Variants in TRIM62 observed in about 807,000 individuals in gnomAD.
The protein encoded by TRIM62 is E3 ubiquitin-protein ligase TRIM62.
In TRIM62, 39 loss-of-function variants were observed where a neutral mutation model predicts 44.2. The observed-to-expected ratio is 0.88, with a 90% confidence interval of 0.68 to 1.15. The LOEUF (loss-of-function observed/expected upper bound fraction) is 1.15, where lower values mean the gene tolerates loss of function less well. Among genes scored for constraint, TRIM62 ranks in the 50% most tolerant of loss-of-function variants. TRIM62 has a pLI of 0.00. For synonymous variants in TRIM62, 278 were observed against 292.3 expected, an observed-to-expected ratio of 0.95 and a Z score of 0.50; for missense variants, 544 against 665.5, an observed-to-expected ratio of 0.82 and a Z score of 2.01.
Position 33,147,119 on chromosome 1 carries a change from G to A in TRIM62, c.*58C>T. The A allele has an allele frequency of 1.3e-6, 2 of 1,574,366 alleles. No homozygotes were observed. Among genetic ancestry groups the A allele is most frequent in the Non-Finnish European group, 1.7e-6 (2 of 1,157,134 alleles). Reference sequence around the variant, plus strand: ...TGGAGTCCAGGTCTTCTATCTCCTGGGCAGGGCTCTTGCAGGTGGCAGTGG... The same window carrying A: ...TGGAGTCCAGGTCTTCTATCTCCTGAGCAGGGCTCTTGCAGGTGGCAGTGG... On this transcript the variant is annotated 3_prime_UTR_variant, in exon 5 of 5. Transcript: ENST00000291416. This position sits in a 1 kb window ranked among gnomAD's most constrained non-coding sequence, Gnocchi z 8.1.
At chr1:33,153,117 A>G (rs1645125839) in intron 4 of TRIM62, among the ~76,000 whole-genome samples, 1 of 152,166 alleles carries the variant, frequency 6.6e-6, no homozygotes, top group Admixed American at 6.5e-5. Context: ...AGGTGACCCA[A>G]TAGGAAGCCT....
chr1:33,146,029 T>A lies in TRIM62; in HGVS notation c.*1148A>T. On this transcript the variant is annotated 3_prime_UTR_variant, in exon 5 of 5. Coordinates refer to ENST00000291416, the MANE Select transcript of TRIM62 (RefSeq NM_018207.3). ...GGCACGGACCGTGGCAGAGGGAGCC[T>A]AGTTCTGCAGTCAGCAGCTTTCTGG... The A allele has an allele frequency of 2.5e-6, 1 of 406,304 alleles. No individual in the cohort carries two copies. The highest frequency in any genetic ancestry group is 5.1e-6 in the Non-Finnish European group (1 of 197,032). 25.2% of individuals were successfully genotyped at this position (406,304 alleles called of 1,614,324 possible).
chr1:33,165,246 C>G lies in TRIM62; in HGVS notation c.504+225G>C, dbSNP rs1645316174. 2 of 482,472 alleles carry G rather than the reference C, an allele frequency of 4.1e-6. No individual in the cohort carries two copies. Among genetic ancestry groups the G allele is most frequent in the Admixed American group, 7.6e-5 (2 of 26,248 alleles). The allele number at this position is 482,472 out of a possible 1,614,324, so 29.9% of individuals were successfully genotyped here. Reference sequence around the variant, plus strand: ...CCCCGTCCTTAACCGAGGGACCAGCCCACATCCTTGCCGCCAGTCATGATG... The same window carrying G: ...CCCCGTCCTTAACCGAGGGACCAGCGCACATCCTTGCCGCCAGTCATGATG... On this transcript the variant is annotated intron_variant, in intron 2 of 4. Coordinates refer to ENST00000291416, the MANE Select transcript of TRIM62 (RefSeq NM_018207.3). This position sits in a 1 kb window ranked among gnomAD's most constrained non-coding sequence, Gnocchi z 4.0.
At position 33,181,029 on chromosome 1, in the gene TRIM62, A is replaced by G. The variant is rs1645457807; in HGVS notation, c.404T>C (p.Leu135Pro). The G allele has an allele frequency of 7.4e-7, 1 of 1,353,122 alleles. No individual in the cohort carries two copies. The highest frequency in any genetic ancestry group is 9.7e-7 in the Non-Finnish European group (1 of 1,030,152). 83.8% of individuals were successfully genotyped at this position (1,353,122 alleles called of 1,614,324 possible). The stretch of plus-strand genomic sequence containing the variant: ...CAGGCAGGCCGGGTAGCGCACCTGC[A>G]GCTCGTCGAAGGCGTCGTCGATGCC... Reference protein sequence around the residue: ...VTGIDDAFDELQRELKDQLQA... With the variant: ...VTGIDDAFDEPQRELKDQLQA... The change falls in exon 1 of 5, where the codon CTG becomes CCG. Residue 135 changes from leucine to proline, a missense_variant. By Grantham distance (98) the Leu-to-Pro change is moderately conservative. Transcript: ENST00000291416. The surrounding 1 kb of genome is among the most constrained non-coding windows in gnomAD (Gnocchi z 6.5).
Position 33,181,033 on chromosome 1 carries a change from C to T in TRIM62, c.400G>A (p.Glu134Lys). 1.9e-6 allele frequency: 3 copies of T among 1,543,630 alleles called. No individual in the cohort carries two copies. The highest frequency in any genetic ancestry group is 2.6e-6 in the Non-Finnish European group (3 of 1,148,418). ...CAGGCCGGGTAGCGCACCTGCAGCT[C>T]GTCGAAGGCGTCGTCGATGCCGGTG... is the stretch of plus-strand genomic sequence containing the variant. ...QVTGIDDAFD[E>K]LQRELKDQLQ... Residue 134 changes from glutamate (E) to lysine (K), a missense_variant, in exon 1 of 5, where the codon GAG (glutamate) becomes AAG (lysine). Glu to Lys is a moderately conservative substitution (Grantham distance 56). Coordinates refer to ENST00000291416, the MANE Select transcript of TRIM62 (RefSeq NM_018207.3). This position sits in a 1 kb window ranked among gnomAD's most constrained non-coding sequence, Gnocchi z 6.5.
At chr1:33,172,914 TCA>T (rs1023521353) in intron 1 of TRIM62, among the ~76,000 whole-genome samples, 46 of 152,238 alleles carry the variant, frequency 3.0e-4, no homozygotes, top group Admixed American at 3.3e-4. Context: ...CCGCAAGCTT[TCA>T]CAGTGTTGTG....
At chr1:33,160,060 G>A in intron 2 of TRIM62, 116 bp from the exon 3 acceptor site, 8 of 1,328,728 alleles carry the variant, frequency 6.0e-6, no homozygotes, top group South Asian at 4.1e-5. Flanking sequence ...GAAAGGGCAC[G>A]CGTGGTGGGG....
Position 33,181,454 on chromosome 1 carries a change from G to T in TRIM62, c.-22C>A, listed in dbSNP as rs551572518. ...CCATGGCGCCAGGGGCAGCAGAGAG[G>T]GGGGCCCGAGGGGCAGGGGGGCGGC... On this transcript the variant is annotated 5_prime_UTR_variant, in exon 1 of 5. Coordinates refer to ENST00000291416, the MANE Select transcript of TRIM62 (RefSeq NM_018207.3). This position sits in a 1 kb window ranked among gnomAD's most constrained non-coding sequence, Gnocchi z 6.5. 2 of 1,568,488 alleles carry T rather than the reference G, an allele frequency of 1.3e-6. No homozygotes were observed. The highest frequency in any genetic ancestry group is 4.6e-5 in the East Asian group (2 of 43,128).
intron 1 of TRIM62, chr1:33,176,639 A>G: frequency 2.0e-6 from 1 of 488,018 alleles, no homozygotes; most frequent in South Asian, 3.2e-5. Flanking sequence ...CAGATGGCCT[A>G]GCCCTGTCAA....
chr1:33,181,436 G>T lies in TRIM62; in HGVS notation c.-4C>A. The T allele has an allele frequency of 6.3e-7, 1 of 1,589,548 alleles. No homozygotes were observed. Among genetic ancestry groups the T allele is most frequent in the Non-Finnish European group, 8.5e-7 (1 of 1,173,186 alleles). On this transcript the variant is annotated 5_prime_UTR_variant, in exon 1 of 5. Transcript: ENST00000291416. The surrounding 1 kb of genome is among the most constrained non-coding windows in gnomAD (Gnocchi z 6.5). ...CGTCCTTGAGGCTGCACGCCATGGC[G>T]CCAGGGGCAGCAGAGAGGGGGGCCC...
rs1645316491 is a variant in TRIM62 at position 33,165,267 on chromosome 1, T to C, written c.504+204A>G. On this transcript the variant is annotated intron_variant, in intron 2 of 4. Transcript: ENST00000291416. The surrounding 1 kb of genome is among the most constrained non-coding windows in gnomAD (Gnocchi z 4.0). ...CAGCCCACATCCTTGCCGCCAGTCA[T>C]GATGGGGTGGGTGCCGCCCCATTGA... The C allele has an allele frequency of 4.1e-6, 2 of 490,524 alleles. No homozygotes were observed. Among genetic ancestry groups the C allele is most frequent in the Non-Finnish European group, 7.3e-6 (2 of 273,080 alleles). 30.4% of individuals were successfully genotyped at this position (490,524 alleles called of 1,614,324 possible). A position where few individuals can be genotyped will look rare whatever the true frequency, so the allele number is the denominator to read the frequency against.
chr1:33,180,873 T>C, intron 1 of TRIM62, 152 bp downstream of exon 1: 1 of 148,188 alleles, frequency 6.7e-6, no homozygotes, highest in South Asian at 9.1e-5. Flanking sequence ...CTGCCCCGCG[T>C]TACTCCTGAT....
intron 1 of TRIM62, among the ~76,000 whole-genome samples, chr1:33,174,433 C>A (rs1242385219): frequency 6.6e-6 from 1 of 152,170 alleles, no homozygotes; most frequent in Non-Finnish European, 1.5e-5. Flanking sequence ...ATCCTCTTGC[C>A]TTGACCTCTC....
At chr1:33,162,514 G>A (rs1036748818) in intron 2 of TRIM62, among the ~76,000 whole-genome samples, 5 of 152,176 alleles carry the variant, frequency 3.3e-5, no homozygotes, top group East Asian at 1.9e-4. Context: ...CATCTCCCTC[G>A]GCTCTGCACC....
intron 4 of TRIM62, among the ~76,000 whole-genome samples, chr1:33,148,675 T>C (rs1645052814): frequency 6.6e-6 from 1 of 152,226 alleles, no homozygotes; most frequent in Non-Finnish European, 1.5e-5. Flanking sequence ...TATGTATCTA[T>C]GTACATATAC....
In TRIM62 at chr1:33,181,776, G is replaced by T; in HGVS notation, c.-344C>A. 1 of 220,776 alleles carries T rather than the reference G, an allele frequency of 4.5e-6. No individual in the cohort carries two copies. Among genetic ancestry groups the T allele is most frequent in the Non-Finnish European group, 8.9e-6 (1 of 112,254 alleles). 13.7% of individuals were successfully genotyped at this position (220,776 alleles called of 1,614,324 possible). On this transcript the variant is annotated 5_prime_UTR_variant, in exon 1 of 5. Transcript: ENST00000291416. This position sits in a 1 kb window ranked among gnomAD's most constrained non-coding sequence, Gnocchi z 6.5. Reference sequence around the variant, plus strand: ...CAGTCCTAAGGGATAGGAGCTGGGAGAAGGGGATCCCGGAGCGGGGTGGAG... The same window carrying T: ...CAGTCCTAAGGGATAGGAGCTGGGATAAGGGGATCCCGGAGCGGGGTGGAG...
intron 4 of TRIM62, among the ~76,000 whole-genome samples, chr1:33,149,798 TA>T (rs1195146853): frequency 1.3e-5 from 2 of 152,024 alleles, no homozygotes; most frequent in African/African-American, 4.8e-5. Flanking sequence ...TGGCGTGGGG[TA>T]TTATCTTCTG....
Position 33,166,609 on chromosome 1 carries a change from G to T in TRIM62, c.409-1043C>A, listed in dbSNP as rs1645329674. ...AAGATACAGAGAGGTCAAGAAACTG[G>T]CCCCATAGCATACAGATAAACATAT... On this transcript the variant is annotated intron_variant, in intron 1 of 4. Coordinates refer to ENST00000291416, the MANE Select transcript of TRIM62 (RefSeq NM_018207.3). 2.6e-5 allele frequency among the ~76,000 whole-genome samples: 4 copies of T among 152,104 alleles called. No individual in the cohort carries two copies. The South Asian group carries it at 8.3e-4, about 32-fold the overall frequency.
In TRIM62 at chr1:33,147,490, G is replaced by GCGGCTTC. The variant is rs1361318385; in HGVS notation, c.1108_1114dup (p.Ala372GlyfsTer39). 3.1e-6 allele frequency: 5 copies of GCGGCTTC among 1,608,502 alleles called. No homozygotes were observed. The highest frequency in any genetic ancestry group is 3.4e-5 in the Admixed American group (2 of 58,972). The stretch of plus-strand genomic sequence containing the variant: ...GATCTGGATGCTGCCCTTGCGGCTT[G>GCGGCTTC]CGGCTTCGTGTGCCAGCCCGATCAC... On this transcript the variant is annotated frameshift_variant, in exon 5 of 5. Coordinates refer to ENST00000291416, the MANE Select transcript of TRIM62 (RefSeq NM_018207.3). LOFTEE classifies it high-confidence loss of function. This position sits in a 1 kb window ranked among gnomAD's most constrained non-coding sequence, Gnocchi z 8.1.
Sources: gnomAD v4.1 joint callset for allele counts (sites outside exome capture counted in the v4.1 genomes callset) on GRCh38, gnomAD v4.1.1 for gene constraint, Gnocchi (gnomAD v3.1) non-coding constraint, MANE v1.5 for transcripts, NCBI Gene and HGNC (gene_info 2026-07-23, HGNC 2026-07-21) for gene names.